SNRPA: variants seen among roughly 807,000 people sequenced by gnomAD.
The protein encoded by SNRPA is U1 small nuclear ribonucleoprotein A.
SNRPA carries 10 observed loss-of-function variants against 24.5 expected under a neutral mutation model. That is an observed-to-expected ratio of 0.41 (90% CI 0.25 to 0.69). The LOEUF (loss-of-function observed/expected upper bound fraction) is 0.69, where lower values mean the gene tolerates loss of function less well. Among genes scored for constraint, SNRPA ranks in the 30% least tolerant of loss-of-function variants. The pLI is 0.33. For synonymous variants in SNRPA, 165 were observed against 148.4 expected (o/e 1.11, Z -0.81); for missense variants, 283 against 394.7 (o/e 0.72, Z 2.40).
intron 1 of SNRPA, among the ~76,000 whole-genome samples, chr19:40,753,390 T>TTTTTTTG (rs1265182042): frequency 1.1e-5 from 1 of 93,876 alleles, no homozygotes; most frequent in African/African-American, 5.3e-5. Flanking sequence ...ATATGTTTTT[T>TTTTTTTG]TTTTTTTTTT....
chr19:40,763,852 G>C (rs1186848311), intron 5 of SNRPA, among the ~76,000 whole-genome samples, 177 bp downstream of exon 5: 1 of 152,146 alleles, frequency 6.6e-6, no homozygotes, highest in Non-Finnish European at 1.5e-5. Context: ...GCCTGTGGGG[G>C]ACATGGGGGT....
chr19:40,762,418 TGTTGCCCAG>T (rs1158140123), intron 3 of SNRPA, among the ~76,000 whole-genome samples: 1 of 152,124 alleles, frequency 6.6e-6, no homozygotes, highest in Non-Finnish European at 1.5e-5. Context: ...GGTTTCACCA[TGTTGCCCAG>T]GCTGGTCTCA....
At position 40,763,688 on chromosome 19, in the gene SNRPA, T is replaced by C. The variant is rs373519690; in HGVS notation, c.689+13T>C. On this transcript the variant is annotated intron_variant, in intron 5 of 5. Coordinates refer to ENST00000243563, the MANE Select transcript of SNRPA (RefSeq NM_004596.5). ...TGCTTTTCAATCAGTAAGTGGGGCCTGTGGCTGGGTGGTCCCTGGAGGGTG... is the reference window on the plus strand; with the variant it reads ...TGCTTTTCAATCAGTAAGTGGGGCCCGTGGCTGGGTGGTCCCTGGAGGGTG... 2.5e-6 allele frequency: 4 copies of C among 1,604,832 alleles called. No individual in the cohort carries two copies. The highest frequency in any genetic ancestry group is 2.6e-6 in the Non-Finnish European group (3 of 1,171,774).
At chr19:40,751,520 C>T in intron 1 of SNRPA, 39 bp downstream of exon 1, 3 of 1,447,716 alleles carry the variant, frequency 2.1e-6, no homozygotes, top group South Asian at 1.1e-5. Context: ...GACTGTCCCG[C>T]ACGGGCTGGC....
At chr19:40,763,218 G>A (rs1326639112) in intron 4 of SNRPA, 144 bp downstream of exon 4, 6 of 640,662 alleles carry the variant, frequency 9.4e-6, no homozygotes, top group Non-Finnish European at 1.6e-5. Flanking sequence ...AGTAGCAGTG[G>A]GGGTGGGCCC....
At chr19:40,752,756 GAA>G (rs11364402) in intron 1 of SNRPA, among the ~76,000 whole-genome samples, 12 of 148,950 alleles carry the variant, frequency 8.1e-5, no homozygotes, top group African/African-American at 9.9e-5. Flanking sequence ...CTGAAAAAAG[GAA>G]AAAAAAAAAG....
chr19:40,762,642 C>G (rs1261463670), intron 3 of SNRPA, among the ~76,000 whole-genome samples: 1 of 152,164 alleles, frequency 6.6e-6, no homozygotes, highest in African/African-American at 2.4e-5. Context: ...ACAATCAGAG[C>G]TCACTGCATG....
chr19:40,757,641 C>G, intron 2 of SNRPA, 137 bp downstream of exon 2: 1 of 812,508 alleles, frequency 1.2e-6, no homozygotes, highest in Non-Finnish European at 1.9e-6. Context: ...CACCTTGCCT[C>G]ATTTAAAAAT....
In SNRPA at chr19:40,762,897, A is replaced by G. The variant is rs750308082; in HGVS notation, c.427-4A>G. The G allele has an allele frequency of 1.9e-6, 3 of 1,612,272 alleles. No homozygotes were observed. The highest frequency in any genetic ancestry group is 2.5e-6 in the Non-Finnish European group (3 of 1,179,580). ...ACCACGCACTCTCCTCCCTCTCTCC[A>G]CAGGGCATGCCGCCGATGACTCAGG... On this transcript the variant is annotated splice_region_variant and splice_polypyrimidine_tract_variant and intron_variant, in intron 3 of 5. Transcript: ENST00000243563.
intron 1 of SNRPA, among the ~76,000 whole-genome samples, chr19:40,755,257 CTTTTTTTTTT>C (rs1004235207): frequency 2.4e-5 from 2 of 82,612 alleles, no homozygotes; most frequent in South Asian, 4.3e-4. Context: ...TTTTTCTTTT[CTTTTTTTTTT>C]TTTTTTTTTT....
chr19:40,755,770 C>G (rs1480710254), intron 1 of SNRPA, among the ~76,000 whole-genome samples: 1 of 152,196 alleles, frequency 6.6e-6, no homozygotes, highest in African/African-American at 2.4e-5. Context: ...ATCTCACTTG[C>G]TGTCAAGTGA....
At chr19:40,760,816 G>T (rs975156109) in intron 3 of SNRPA, among the ~76,000 whole-genome samples, 4 of 152,206 alleles carry the variant, frequency 2.6e-5, no homozygotes, top group Admixed American at 2.0e-4. Flanking sequence ...ACTCATTCCT[G>T]TAGTCCCAGC....
At chr19:40,755,257 C>CTTTTTTTTTTTT (rs1004235207) in intron 1 of SNRPA, among the ~76,000 whole-genome samples, 18 of 82,606 alleles carry the variant, frequency 2.2e-4, no homozygotes, top group Admixed American at 3.1e-4. Context: ...TTTTTCTTTT[C>CTTTTTTTTTTTT]TTTTTTTTTT....
intron 1 of SNRPA, among the ~76,000 whole-genome samples, chr19:40,753,382 A>ATTTTTT (rs1482457821): frequency 1.3e-4 from 8 of 62,184 alleles, no homozygotes; most frequent in Non-Finnish European, 1.7e-4. Context: ...AATTTTGCAT[A>ATTTTTT]TGTTTTTTTT....
At chr19:40,757,050 T>G in intron 1 of SNRPA, 3 of 375,814 alleles carry the variant, frequency 8.0e-6, no homozygotes, top group Non-Finnish European at 9.9e-6. Flanking sequence ...GAATCACTCA[T>G]TTATCGAGTG....
At chr19:40,754,301 C>A (rs974342661) in intron 1 of SNRPA, among the ~76,000 whole-genome samples, 2 of 152,024 alleles carry the variant, frequency 1.3e-5, no homozygotes, top group Non-Finnish European at 1.5e-5. Flanking sequence ...CGGGGTTTCA[C>A]CATCTTGGCT....
chr19:40,763,182 C>T (rs1385609012), intron 4 of SNRPA, 108 bp downstream of exon 4: 4 of 782,052 alleles, frequency 5.1e-6, no homozygotes, highest in Non-Finnish European at 8.1e-6. Flanking sequence ...GGGCAGGCCC[C>T]CTGAGGAGGT....
At chr19:40,759,885 T>G (rs2082924516) in intron 3 of SNRPA, among the ~76,000 whole-genome samples, 1 of 152,212 alleles carries the variant, frequency 6.6e-6, no homozygotes, top group Non-Finnish European at 1.5e-5. Flanking sequence ...GTGGCCTTGA[T>G]TTTGTCGCCT....
intron 2 of SNRPA, 49 bp from the exon 3 acceptor site, chr19:40,759,382 T>G: frequency 6.6e-7 from 1 of 1,525,626 alleles, no homozygotes. Flanking sequence ...ATCTTGGCAA[T>G]TGGGCTCTGA....
Sources: gnomAD v4.1 joint callset for allele counts (sites outside exome capture counted in the v4.1 genomes callset) on GRCh38, gnomAD v4.1.1 for gene constraint, MANE v1.5 for transcripts, NCBI Gene and HGNC (gene_info 2026-07-23, HGNC 2026-07-21) for gene names.